CFAP70: variants seen among roughly 807,000 people sequenced by gnomAD.
CFAP70 encodes cilia and flagella associated protein 70.
Under a neutral mutation model 137.6 loss-of-function variants are expected in CFAP70, and 81 were observed. That is an observed-to-expected ratio of 0.59 (90% confidence interval 0.49 to 0.71). CFAP70 has a LOEUF of 0.71. CFAP70 is among the 30% of genes least tolerant of loss of function. The pLI is 0.00. For missense variants in CFAP70, 976 were observed against 1,226.7 expected (o/e 0.80, Z 3.05); for synonymous variants, 382 against 423.6 (o/e 0.90, Z 1.20).
chr10:73,338,729 A>T (rs1428016635), intron 6 of CFAP70, among the ~76,000 whole-genome samples: 1 of 151,686 alleles, frequency 6.6e-6, no homozygotes, highest in Non-Finnish European at 1.5e-5. Context: ...ATGTCTGGCC[A>T]TGTGGATCTT....
chr10:73,283,937 T>C (rs916741490), intron 19 of CFAP70, among the ~76,000 whole-genome samples: 9 of 152,240 alleles, frequency 5.9e-5, no homozygotes, highest in Non-Finnish European at 8.8e-5. Flanking sequence ...AGTCAGTCTA[T>C]GTCTTTTAAT....
At chr10:73,278,320 A>G (rs1382397045) in exon 20 of CFAP70, 3 of 1,613,800 alleles carry the variant, frequency 1.9e-6, no homozygotes, top group East Asian at 2.2e-5. Context: ...TCTAGAATAG[A>G]TAATGCAGCT....
At chr10:73,299,857 C>T (rs1018225524) in intron 12 of CFAP70, among the ~76,000 whole-genome samples, 192 bp from the exon 14 acceptor site, 17 of 152,178 alleles carry the variant, frequency 1.1e-4, no homozygotes, top group South Asian at 2.1e-4. Context: ...TATATGGCTA[C>T]GGACCATACA....
At position 73,324,426 on chromosome 10, in the gene CFAP70, T is replaced by C. The variant is rs537753436; in HGVS notation, c.778-1329A>G. ...AAACTGGAAACTCTAAAAAGCAGAG[T>C]GCCTCTCCTACTCCAAAGGAACGCA... is the stretch of plus-strand genomic sequence containing the variant. On this transcript the variant is annotated intron_variant, in intron 8 of 26. Coordinates refer to ENST00000310715, the Ensembl canonical transcript of CFAP70. Among the ~76,000 whole-genome samples the C allele has an allele frequency of 1.2e-4, 18 of 152,058 alleles. No individual in the cohort carries two copies. In the East Asian group the frequency reaches 3.5e-3, roughly 29 times the overall value.
In CFAP70 at chr10:73,323,183, G is replaced by A. The variant is rs868085067; in HGVS notation, c.778-86C>T. 115 of 1,300,236 alleles carry A rather than the reference G, an allele frequency of 8.8e-5. No homozygotes were observed. The Middle Eastern group carries it at 1.6e-3, about 18-fold the overall frequency. 80.5% of individuals were successfully genotyped at this position (1,300,236 alleles called of 1,614,324 possible). ...CTCTGACTCAGCAGTTCAAAGGCCT[G>A]GTTTTAGAAACTAACTCAACTACTT... On this transcript the variant is annotated intron_variant, in intron 8 of 26. Transcript: ENST00000310715.
rs150698413 is a variant in CFAP70, at chr10:73,278,233, T to C, written c.2344A>G (p.Ser782Gly). 157 of 1,614,098 alleles carry C rather than the reference T, an allele frequency of 9.7e-5. 1 individual carries two copies. The African/African-American group carries it at 1.9e-3, about 19-fold the overall frequency. Residue 782 changes from serine to glycine, a missense_variant, in exon 20 of 27, where the codon AGT becomes GGT. By Grantham distance (56) the Ser-to-Gly change is moderately conservative. Transcript: ENST00000310715. The stretch of plus-strand genomic sequence containing the variant: ...GTGTTAGATGGTTTTTGGCTTATAC[T>C]TGGATCCCAAGTTTGTGTAGTCAAA...
intron 19 of CFAP70, chr10:73,278,979 C>CAAAAAAAAAAAAAAAAAAAAAAAAA: frequency 1.4e-5 from 1 of 71,878 alleles, no homozygotes; most frequent in Non-Finnish European, 3.2e-5. Context: ...GACTCCGTCT[C>CAAAAAAAAAAAAAAAAAAAAAAAAA]AAAAAAAAAA....
At chr10:73,322,915 A>T (rs1338309289) in intron 9 of CFAP70, 48 bp downstream of exon 10, 2 of 1,515,900 alleles carry the variant, frequency 1.3e-6, no homozygotes, top group Non-Finnish European at 1.8e-6. Flanking sequence ...GTAAACAGAT[A>T]TATAAAGGAT....
chr10:73,312,407 G>T, intron 10 of CFAP70, 66 bp downstream of exon 11: 2 of 1,192,650 alleles, frequency 1.7e-6, no homozygotes, highest in South Asian at 1.6e-5. Context: ...GTCACCAAGT[G>T]AGAAATCAGT....
rs185690599 is a variant in CFAP70, at chr10:73,347,338, T to C, written c.349+1085A>G. On this transcript the variant is annotated intron_variant, in intron 4 of 26. Transcript: ENST00000310715. ...AATCACTGTGCAAGCCATGGGAAGGTTGAACTAGAGGGAGGTAAAGGTAGG... is the reference window on the plus strand; with the variant it reads ...AATCACTGTGCAAGCCATGGGAAGGCTGAACTAGAGGGAGGTAAAGGTAGG... 1.9e-3 allele frequency among the ~76,000 whole-genome samples: 290 copies of C among 152,056 alleles called. 2 individuals carry two copies. Among genetic ancestry groups the C allele is most frequent in the African/African-American group, 6.6e-3 (274 of 41,482 alleles).
chr10:73,288,056 C>A (rs895958933), intron 19 of CFAP70, among the ~76,000 whole-genome samples: 15 of 152,064 alleles, frequency 9.9e-5, no homozygotes, highest in South Asian at 2.1e-4. Context: ...CACCACTACA[C>A]CCAGCTAATT....
intron 24 of CFAP70, among the ~76,000 whole-genome samples, chr10:73,270,128 T>C (rs2046125537): frequency 6.6e-6 from 1 of 152,176 alleles, no homozygotes; most frequent in Non-Finnish European, 1.5e-5. Flanking sequence ...TTTCTTTACA[T>C]TGTGCATCCT....
chr10:73,273,370 G>A (rs1429101171), intron 23 of CFAP70, among the ~76,000 whole-genome samples: 3 of 152,212 alleles, frequency 2.0e-5, no homozygotes, highest in Non-Finnish European at 4.4e-5. Flanking sequence ...GCAACATCAT[G>A]TGGTGGCATG....
intron 4 of CFAP70, among the ~76,000 whole-genome samples, chr10:73,346,626 A>G (rs1025757575): frequency 6.6e-6 from 1 of 151,692 alleles, no homozygotes; most frequent in Non-Finnish European, 1.5e-5. Context: ...CTGGGCAACA[A>G]GGGCAAAACT....
At chr10:73,268,005 C>T (rs1316575598) in intron 25 of CFAP70, among the ~76,000 whole-genome samples, 8 of 152,182 alleles carry the variant, frequency 5.3e-5, no homozygotes, top group Admixed American at 5.2e-4. Flanking sequence ...CTTTCTGCCC[C>T]CACCACCAGA....
In CFAP70 at chr10:73,353,579, T is replaced by C. The variant is rs371049227; in HGVS notation, c.227A>G (p.Asp76Gly). 4.3e-6 allele frequency: 7 copies of C among 1,613,920 alleles called. No homozygotes were observed. The African/African-American group carries it at 9.3e-5, about 22-fold the overall frequency. ...ACAGAACACAGGTTTGTGAGCGAGG[T>C]CATCTGAAGTGATTCCTCCTTCAGG... The change falls in exon 3 of 27, where the codon GAC (aspartate) becomes GGC (glycine). Residue 76 changes from aspartate to glycine, a missense_variant. Transcript: ENST00000310715.
intron 1 of CFAP70, among the ~76,000 whole-genome samples, chr10:73,358,374 C>T (rs2054828699): frequency 6.6e-6 from 1 of 152,240 alleles, no homozygotes; most frequent in South Asian, 2.1e-4. Context: ...TCGGAAGAAG[C>T]TGCAAGGGGA....
intron 25 of CFAP70, among the ~76,000 whole-genome samples, chr10:73,260,385 G>A (rs1221954103): frequency 6.6e-6 from 1 of 152,144 alleles, no homozygotes; most frequent in Non-Finnish European, 1.5e-5. Context: ...TGTGATGTGT[G>A]AGGTAAGGAA....
chr10:73,352,131 G>A (rs2054326619), intron 3 of CFAP70, among the ~76,000 whole-genome samples: 1 of 152,218 alleles, frequency 6.6e-6, no homozygotes, highest in Admixed American at 6.5e-5. Flanking sequence ...GGAAGTGAAG[G>A]GACACCTTGC....
Sources: allele counts gnomAD v4.1 joint callset (sites outside exome capture counted in the v4.1 genomes callset), GRCh38; gene constraint gnomAD v4.1.1; transcripts MANE v1.5; gene names NCBI Gene and HGNC (gene_info 2026-07-23, HGNC 2026-07-21).